The following ERFL variants were observed in gnomAD, a reference collection of about 807,000 sequenced individuals.
ERFL encodes the protein ETS domain-containing transcription factor ERF-like.
In ERFL, 8 loss-of-function variants were observed where a neutral mutation model predicts 27.9. The ratio of observed to expected loss-of-function variants is 0.29; its 90% confidence interval spans 0.17 to 0.52. The LOEUF (loss-of-function observed/expected upper bound fraction) is 0.52, where lower values mean the gene tolerates loss of function less well. ERFL is among the 20% of genes least tolerant of loss of function. ERFL has a pLI of 0.97. For missense variants in ERFL, 294 were observed against 444.4 expected (o/e 0.66, Z 3.04); for synonymous variants, 174 against 202.8 (o/e 0.86, Z 1.21).
intron 1 of ERFL, among the ~76,000 whole-genome samples, chr19:41,918,996 C>T (rs1555852186): frequency 6.6e-6 from 1 of 150,912 alleles, no homozygotes; most frequent in South Asian, 2.1e-4. Flanking sequence ...CGCATATACA[C>T]CACACACATC....
At chr19:41,924,786 C>T (rs1465607018) in intron 1 of ERFL, among the ~76,000 whole-genome samples, 1 of 152,000 alleles carries the variant, frequency 6.6e-6, no homozygotes, top group Non-Finnish European at 1.5e-5. Context: ...AGGCGCTCCT[C>T]GAGGAGAGAG....
chr19:41,926,043 T>G (rs936528587), intron 1 of ERFL, among the ~76,000 whole-genome samples: 8 of 151,704 alleles, frequency 5.3e-5, no homozygotes, highest in Non-Finnish European at 1.0e-4. Flanking sequence ...GGTGAAGAAA[T>G]ACGAATGTGT....
At chr19:41,918,481 C>T (rs534584808) in intron 1 of ERFL, among the ~76,000 whole-genome samples, 209 of 145,694 alleles carry the variant, frequency 1.4e-3, no homozygotes, top group Middle Eastern at 0.011. Context: ...ACACGCACCA[C>T]GCACACCACA....
Position 41,917,799 on chromosome 19 carries a change from A to G in ERFL, c.-13-4867T>C, listed in dbSNP as rs2074811026. On this transcript the variant is annotated intron_variant, in intron 1 of 5. Transcript: ENST00000597630. This position sits in a 1 kb window ranked among gnomAD's most constrained non-coding sequence, Gnocchi z 4.8. ...CACAGTGACACCCACTAGTAGGCACACACACACCATGCACAGCCCCAGCCA... is the reference window on the plus strand; with the variant it reads ...CACAGTGACACCCACTAGTAGGCACGCACACACCATGCACAGCCCCAGCCA... Among the ~76,000 whole-genome samples the G allele has an allele frequency of 6.6e-6, 1 of 152,008 alleles. No individual in the cohort carries two copies. The highest frequency in any genetic ancestry group is 2.4e-5 in the African/African-American group (1 of 41,332).
Position 41,921,242 on chromosome 19 carries a change from G to A in ERFL, c.-14+6798C>T, listed in dbSNP as rs2074840548. 6.6e-6 allele frequency among the ~76,000 whole-genome samples: 1 copy of A among 152,134 alleles called. No homozygotes were observed. The highest frequency in any genetic ancestry group is 2.1e-4 in the South Asian group (1 of 4,816). ...AGAGACCCAGAGAGATGGAGGAACT[G>A]GAGGTTGGGGTGGGGGGCACAGAGA... On this transcript the variant is annotated intron_variant, in intron 1 of 5. Coordinates refer to ENST00000597630, the MANE Select transcript of ERFL (RefSeq NM_001365103.2). The surrounding 1 kb of genome is among the most constrained non-coding windows in gnomAD (Gnocchi z 4.4).
chr19:41,922,654 G>A (rs1266477412), intron 1 of ERFL, among the ~76,000 whole-genome samples: 2 of 152,122 alleles, frequency 1.3e-5, no homozygotes, highest in Non-Finnish European at 2.9e-5. Flanking sequence ...CTAGGGCAAG[G>A]GGCGGGGCCT....
chr19:41,913,948 AC>A (rs1315899687), intron 1 of ERFL, among the ~76,000 whole-genome samples: 1 of 136,908 alleles, frequency 7.3e-6, no homozygotes, highest in African/African-American at 2.8e-5. Flanking sequence ...CTTCCTGGAG[AC>A]CCCCCAGACG....
At chr19:41,926,711 C>T (rs1334145522) in intron 1 of ERFL, among the ~76,000 whole-genome samples, 1 of 144,548 alleles carries the variant, frequency 6.9e-6, no homozygotes, top group Non-Finnish European at 1.5e-5. Context: ...GGCGGCCGGC[C>T]GGGAGGGGGG....
intron 1 of ERFL, among the ~76,000 whole-genome samples, chr19:41,927,155 G>A (rs1294545133): frequency 2.0e-5 from 3 of 152,178 alleles, no homozygotes; most frequent in Non-Finnish European, 4.4e-5. Context: ...GAGATGCTGT[G>A]AGAGACAGAG....
Position 41,909,444 on chromosome 19 carries a change from G to A in ERFL, c.330C>T (p.His110=). ...AGGTGAACCTCTTCCCTTTGGTCTT[G>A]TGGAGAATCCGCTTGTTGTAGTAGT... ...LRYYYNKRIL[H]KTKGKRFTYK... is the part of the protein sequence containing the mutation. Residue 110 remains histidine (H), a synonymous_variant, in exon 4 of 6, where the codon CAC becomes CAT. Coordinates refer to ENST00000597630, the MANE Select transcript of ERFL (RefSeq NM_001365103.2). This position sits in a 1 kb window ranked among gnomAD's most constrained non-coding sequence, Gnocchi z 5.2. 1 of 1,239,264 alleles carries A rather than the reference G, an allele frequency of 8.1e-7. No homozygotes were observed. Among genetic ancestry groups the A allele is most frequent in the Non-Finnish European group, 1.0e-6 (1 of 991,484 alleles). The allele number at this position is 1,239,264 out of a possible 1,614,324, so 76.8% of individuals were successfully genotyped here.
At position 41,916,192 on chromosome 19, in the gene ERFL, C is replaced by CCACACAG. The variant is rs2074800473; in HGVS notation, c.-13-3267_-13-3261dup. Among the ~76,000 whole-genome samples, 2 of 151,968 alleles carry CCACACAG rather than the reference C, an allele frequency of 1.3e-5. No homozygotes were observed. The highest frequency in any genetic ancestry group is 2.9e-5 in the Non-Finnish European group (2 of 67,968). ...ACCCAGGCACGCACACCACCACGTC[C>CCACACAG]CACACAGCACACATCGCACAGATGC... On this transcript the variant is annotated intron_variant, in intron 1 of 5. Coordinates refer to ENST00000597630, the MANE Select transcript of ERFL (RefSeq NM_001365103.2). This position sits in a 1 kb window ranked among gnomAD's most constrained non-coding sequence, Gnocchi z 5.4.
At chr19:41,914,386 A>C in intron 1 of ERFL, among the ~76,000 whole-genome samples, 1 of 136,118 alleles carries the variant, frequency 7.3e-6, no homozygotes, top group Non-Finnish European at 1.6e-5. Context: ...TCCCCACCTC[A>C]CTGCCCTCTC....
rs1555850845 is a variant in ERFL at position 41,908,077 on chromosome 19, C to CA, written c.*150dup. ...GTGGAGGGGGAAGTGAGACCCCCCC[C>CA]ACTCTGGGGCTGGGGAAGGAGACTG... On this transcript the variant is annotated 3_prime_UTR_variant, in exon 6 of 6. Transcript: ENST00000597630. This position sits in a 1 kb window ranked among gnomAD's most constrained non-coding sequence, Gnocchi z 6.7. 3 of 519,616 alleles carry CA rather than the reference C, an allele frequency of 5.8e-6. No homozygotes were observed. Among genetic ancestry groups the CA allele is most frequent in the Non-Finnish European group, 8.9e-6 (3 of 337,910 alleles). The allele number at this position is 519,616 out of a possible 1,614,324, so 32.2% of individuals were successfully genotyped here.
chr19:41,924,694 T>TA (rs2074861556), intron 1 of ERFL, among the ~76,000 whole-genome samples: 1 of 152,048 alleles, frequency 6.6e-6, no homozygotes, highest in African/African-American at 2.4e-5. Context: ...TGCTGTGCAG[T>TA]GCGGGGAGCA....
chr19:41,914,735 C>T (rs1227851540), intron 1 of ERFL, among the ~76,000 whole-genome samples: 1 of 22,040 alleles, frequency 4.5e-5, no homozygotes, highest in Non-Finnish European at 7.2e-5. Context: ...TCCCCTTCCA[C>T]CATCTCTGTC....
intron 1 of ERFL, among the ~76,000 whole-genome samples, chr19:41,927,155 GAGAGAC>G (rs1412876725): frequency 1.3e-5 from 2 of 152,178 alleles, no homozygotes; most frequent in East Asian, 1.9e-4. Context: ...GAGATGCTGT[GAGAGAC>G]AGAGACAGAG....
intron 1 of ERFL, among the ~76,000 whole-genome samples, chr19:41,925,509 A>G (rs889408957): frequency 9.2e-5 from 14 of 152,150 alleles, no homozygotes; most frequent in Admixed American, 7.9e-4. Context: ...AGAAGGAGTG[A>G]GACACAGGTG....
chr19:41,918,489 ACACACACAT>A (rs1442392066), intron 1 of ERFL, among the ~76,000 whole-genome samples: 3 of 147,396 alleles, frequency 2.0e-5, no homozygotes, highest in Non-Finnish European at 4.5e-5. Context: ...CACGCACACC[ACACACACAT>A]CACACACACA....
At position 41,909,425 on chromosome 19, in the gene ERFL, A is replaced by C; in HGVS notation, c.349T>G (p.Phe117Val). The change falls in exon 4 of 6, where the codon TTC becomes GTC. Residue 117 changes from phenylalanine (F) to valine (V), a missense_variant. Physicochemically the swap from Phe to Val is conservative, Grantham distance 50. Transcript: ENST00000597630. The surrounding 1 kb of genome is among the most constrained non-coding windows in gnomAD (Gnocchi z 5.2). ...TTGCTGAAGTTGAACTTGTAGGTGA[A>C]CCTCTTCCCTTTGGTCTTGTGGAGA... ...RILHKTKGKRFTYKFNFSKVV... is the reference protein window; with the variant it reads ...RILHKTKGKRVTYKFNFSKVV... 8.1e-7 allele frequency: 1 copy of C among 1,236,980 alleles called. No individual in the cohort carries two copies. Among genetic ancestry groups the C allele is most frequent in the Non-Finnish European group, 1.0e-6 (1 of 990,288 alleles). 76.6% of individuals were successfully genotyped at this position (1,236,980 alleles called of 1,614,324 possible). A position where few individuals can be genotyped will look rare whatever the true frequency, so the allele number is the denominator to read the frequency against.
Sources: allele counts gnomAD v4.1 joint callset (sites outside exome capture counted in the v4.1 genomes callset), GRCh38; gene constraint gnomAD v4.1.1; non-coding constraint Gnocchi (gnomAD v3.1); transcripts MANE v1.5; gene names NCBI Gene and HGNC (gene_info 2026-07-23, HGNC 2026-07-21).